WDR7: variants seen among roughly 807,000 people sequenced by gnomAD.
WDR7 encodes the protein WD repeat-containing protein 7.
WDR7 carries 46 observed loss-of-function variants against 169.4 expected under a neutral mutation model. The observed-to-expected ratio is 0.27, with a 90% CI of 0.21 to 0.35. The LOEUF is 0.35. Ranked by LOEUF, WDR7 falls within the 10% of genes least tolerant of loss-of-function variation. The pLI, the probability that WDR7 is intolerant of heterozygous loss-of-function variation, is 1.00. For synonymous variants in WDR7, 612 were observed against 666.8 expected, an observed-to-expected ratio of 0.92 and a Z score of 1.27; for missense variants, 1,534 against 1,859.3, an observed-to-expected ratio of 0.83 and a Z score of 3.22.
rs78023492 is a variant in WDR7, at chr18:56,758,972, A to G, written c.2848+19A>G. 7.5e-3 allele frequency: 11,907 copies of G among 1,588,402 alleles called. 747 individuals carry two copies. In the African/African-American group the frequency reaches 0.14, roughly 19 times the overall value. On this transcript the variant is annotated intron_variant, in intron 16 of 27. Transcript: ENST00000254442. ...AAACAAGGTAAAATTAAATCTTATT[A>G]AGTAATTGACATGACATTTCAGCTC...
At chr18:56,920,047 C>A (rs370462153) in intron 21 of WDR7, among the ~76,000 whole-genome samples, 1 of 151,988 alleles carries the variant, frequency 6.6e-6, no homozygotes, top group Non-Finnish European at 1.5e-5. Context: ...TTCATCCCCC[C>A]GCCCTCTTCT....
At chr18:56,875,640 C>T (rs1307973492) in intron 20 of WDR7, among the ~76,000 whole-genome samples, 1 of 152,162 alleles carries the variant, frequency 6.6e-6, no homozygotes, top group Non-Finnish European at 1.5e-5. Context: ...AATCCACAGA[C>T]TCCTTCATGC....
At chr18:56,744,836 G>A (rs2043677985) in intron 14 of WDR7, among the ~76,000 whole-genome samples, 1 of 152,164 alleles carries the variant, frequency 6.6e-6, no homozygotes, top group African/African-American at 2.4e-5. Context: ...AGCAGATGTG[G>A]GGGAGATCTG....
intron 19 of WDR7, among the ~76,000 whole-genome samples, chr18:56,790,741 G>T (rs555913158): frequency 6.6e-6 from 1 of 151,970 alleles, no homozygotes; most frequent in Non-Finnish European, 1.5e-5. Flanking sequence ...TTATTAACCA[G>T]ATTTTGATAC....
intron 20 of WDR7, among the ~76,000 whole-genome samples, chr18:56,859,727 G>A (rs2045775459): frequency 6.6e-6 from 1 of 152,160 alleles, no homozygotes; most frequent in Non-Finnish European, 1.5e-5. Context: ...AAAATGAAAT[G>A]TGCAGTGAAC....
intron 21 of WDR7, among the ~76,000 whole-genome samples, chr18:56,896,032 TAACTC>T (rs1341850503): frequency 7.9e-5 from 12 of 151,858 alleles, no homozygotes; most frequent in Non-Finnish European, 1.8e-4. Flanking sequence ...TTATAAATAT[TAACTC>T]ATATAATCCT....
chr18:56,729,454 G>T (rs758847502), intron 13 of WDR7, among the ~76,000 whole-genome samples: 4 of 152,010 alleles, frequency 2.6e-5, no homozygotes, highest in Non-Finnish European at 5.9e-5. Context: ...TTCTGTGACT[G>T]TAATATCCCT....
intron 14 of WDR7, among the ~76,000 whole-genome samples, chr18:56,754,392 C>T (rs942649525): frequency 7.5e-5 from 11 of 146,034 alleles, no homozygotes; most frequent in South Asian, 4.3e-4. Flanking sequence ...TGTATATATA[C>T]GTGTATATAT....
intron 21 of WDR7, among the ~76,000 whole-genome samples, chr18:56,902,611 T>G (rs2046418394): frequency 6.6e-6 from 1 of 152,186 alleles, no homozygotes; most frequent in East Asian, 1.9e-4. Context: ...TCATATGAAA[T>G]TGCCATTTTT....
chr18:56,761,215 G>T (rs1287718760), intron 16 of WDR7, among the ~76,000 whole-genome samples: 1 of 152,082 alleles, frequency 6.6e-6, no homozygotes, highest in Non-Finnish European at 1.5e-5. Flanking sequence ...TTGCCATTCT[G>T]CCCAGGCTGG....
chr18:56,953,315 T>C (rs2047208470), intron 25 of WDR7, among the ~76,000 whole-genome samples: 1 of 152,248 alleles, frequency 6.6e-6, no homozygotes, highest in African/African-American at 2.4e-5. Flanking sequence ...TAACACTATA[T>C]GGTGTTTATC....
At chr18:56,783,390 T>C (rs1224703984) in intron 19 of WDR7, among the ~76,000 whole-genome samples, 1 of 152,200 alleles carries the variant, frequency 6.6e-6, no homozygotes, top group Non-Finnish European at 1.5e-5. Context: ...CCAGAAAATA[T>C]AGTTAGATGA....
chr18:56,809,381 C>A (rs182072988), intron 19 of WDR7, among the ~76,000 whole-genome samples: 14 of 151,228 alleles, frequency 9.3e-5, no homozygotes, highest in East Asian at 5.8e-4. Context: ...ATTTATTGAA[C>A]CTTTATGAGA....
At chr18:56,736,352 C>T (rs1342746229) in intron 14 of WDR7, among the ~76,000 whole-genome samples, 2 of 151,870 alleles carry the variant, frequency 1.3e-5, no homozygotes, top group Non-Finnish European at 2.9e-5. Context: ...TAATGCATTG[C>T]AAAATCTTGG....
chr18:57,027,018 G>T lies in WDR7; in HGVS notation c.4284G>T (p.Leu1428=). 2 of 1,613,968 alleles carry T rather than the reference G, an allele frequency of 1.2e-6. No individual in the cohort carries two copies. Among genetic ancestry groups the T allele is most frequent in the Non-Finnish European group, 1.7e-6 (2 of 1,179,990 alleles). The change falls in exon 28 of 28, where the codon CTG becomes CTT. Residue 1428 remains leucine, a synonymous_variant. Transcript: ENST00000254442. The part of the protein sequence containing the change: ...HISFWQMNTS[L]LGSIGMLNSA... ...TGTCCCTCCAGATGAACACGTCACT[G>T]CTGGGAAGCATCGGCATGCTGAACT...
chr18:56,866,710 G>A (rs971054134), intron 20 of WDR7, among the ~76,000 whole-genome samples: 9 of 152,024 alleles, frequency 5.9e-5, no homozygotes, highest in African/African-American at 1.7e-4. Flanking sequence ...CAAAATATTC[G>A]TGACACTGAC....
intron 12 of WDR7, among the ~76,000 whole-genome samples, chr18:56,701,962 C>T (rs2025843678): frequency 6.6e-6 from 1 of 152,136 alleles, no homozygotes; most frequent in Non-Finnish European, 1.5e-5. Flanking sequence ...ACAAAATTTA[C>T]ACAACACAGC....
chr18:56,893,869 AAT>A (rs1417532735), intron 21 of WDR7, among the ~76,000 whole-genome samples: 3 of 152,078 alleles, frequency 2.0e-5, no homozygotes, highest in African/African-American at 4.8e-5. Context: ...TATCTGCAAA[AAT>A]AGGGGTAGAT....
At chr18:57,009,480 G>A (rs528071398) in intron 26 of WDR7, among the ~76,000 whole-genome samples, 14 of 152,140 alleles carry the variant, frequency 9.2e-5, no homozygotes, top group Admixed American at 8.5e-4. Flanking sequence ...AATGAACCTT[G>A]TAATGCAGAA....
Sources: gnomAD v4.1 joint callset for allele counts (sites outside exome capture counted in the v4.1 genomes callset) on GRCh38, gnomAD v4.1.1 for gene constraint, MANE v1.5 for transcripts, NCBI Gene and HGNC (gene_info 2026-07-23, HGNC 2026-07-21) for gene names.